DCAF4: variants seen among roughly 807,000 people sequenced by gnomAD.
The protein encoded by DCAF4 is DDB1- and CUL4-associated factor 4.
A neutral mutation model predicts 60.9 loss-of-function variants in DCAF4; 37 were observed. That is an observed-to-expected ratio of 0.61 (90% CI 0.47 to 0.80). The LOEUF (loss-of-function observed/expected upper bound fraction) is 0.80, where lower values mean the gene tolerates loss of function less well. Among genes scored for constraint, DCAF4 ranks in the 30% least tolerant of loss-of-function variants. The pLI is 0.00. For missense variants in DCAF4, 577 were observed against 650.0 expected, an observed-to-expected ratio of 0.89 and a Z score of 1.22; for synonymous variants, 243 against 254.8, an observed-to-expected ratio of 0.95 and a Z score of 0.44.
intron 9 of DCAF4, among the ~76,000 whole-genome samples, chr14:72,953,339 G>C (rs1891691261): frequency 6.6e-6 from 1 of 151,988 alleles, no homozygotes; most frequent in South Asian, 2.1e-4. Flanking sequence ...TGGGTACATG[G>C]CTATATTTAG....
rs746146902 is a variant in DCAF4 at position 72,956,427 on chromosome 14, G to A, written c.1221G>A (p.Gln407=). The stretch of plus-strand genomic sequence containing the variant: ...TGAGGACCACGAAGTGCGTAAGGCA[G>A]TACGAAGGCCACGTGAATGAGTACG... ...WDLRTTKCVR[Q]YEGHVNEYAY... is the part of the protein sequence containing the mutation. The change falls in exon 13 of 14, where the codon CAG becomes CAA. Residue 407 remains glutamine, a synonymous_variant. Transcript: ENST00000358377. The A allele has an allele frequency of 1.2e-6, 2 of 1,613,524 alleles. No individual in the cohort carries two copies. The highest frequency in any genetic ancestry group is 1.1e-5 in the South Asian group (1 of 90,990).
chr14:72,934,384 C>A, intron 1 of DCAF4, among the ~76,000 whole-genome samples: 1 of 152,094 alleles, frequency 6.6e-6, no homozygotes, highest in East Asian at 1.9e-4. Flanking sequence ...AAACTCCCAA[C>A]CTCAGGTGAT....
intron 13 of DCAF4, chr14:72,957,184 C>T (rs2140317173): frequency 6.6e-6 from 1 of 152,522 alleles, no homozygotes; most frequent in East Asian, 1.9e-4. Flanking sequence ...TGCACTCCAG[C>T]CTGGCAACAG....
chr14:72,928,241 T>C (rs1333887134), intron 1 of DCAF4, among the ~76,000 whole-genome samples: 1 of 138,886 alleles, frequency 7.2e-6, no homozygotes, highest in Non-Finnish European at 1.5e-5. Flanking sequence ...TTGCCCAGGC[T>C]GGAGCACAGT....
chr14:72,927,630 C>T (rs1391857533), intron 1 of DCAF4, among the ~76,000 whole-genome samples: 3 of 152,034 alleles, frequency 2.0e-5, no homozygotes, highest in African/African-American at 7.2e-5. Context: ...GGATTACAGG[C>T]GTGAGCCACC....
intron 5 of DCAF4, chr14:72,942,429 C>G (rs1219350312): frequency 6.4e-6 from 1 of 155,266 alleles, no homozygotes; most frequent in Non-Finnish European, 1.4e-5. Flanking sequence ...GAAGAACCTG[C>G]ATTTGAGGCA....
At chr14:72,949,142 A>G (rs1891097184) in intron 8 of DCAF4, among the ~76,000 whole-genome samples, 1 of 152,126 alleles carries the variant, frequency 6.6e-6, no homozygotes, top group Non-Finnish European at 1.5e-5. Flanking sequence ...CACATCACAT[A>G]CTCAGATAGT....
Position 72,958,713 on chromosome 14 carries a change from G to A in DCAF4, c.1396G>A (p.Val466Met), listed in dbSNP as rs778957873. ...YPASKADIPS[V>M]AFSSRLGGSR... ...TGCCTCCAAGGCCGACATTCCCAGT[G>A]TGGCCTTCTCGTCGCGGCTGGGGGG... Residue 466 changes from valine to methionine, a missense_variant, in exon 14 of 14, where the codon GTG becomes ATG. Val to Met is a conservative substitution (Grantham distance 21). Transcript: ENST00000358377. 1 of 1,614,094 alleles carries A rather than the reference G, an allele frequency of 6.2e-7. No homozygotes were observed. Among genetic ancestry groups the A allele is most frequent in the South Asian group, 1.1e-5 (1 of 91,060 alleles).
At chr14:72,961,169 G>A (rs1397441075), downstream of DCAF4, among the ~76,000 whole-genome samples, 2 of 152,062 alleles carry the variant, frequency 1.3e-5, no homozygotes, top group Non-Finnish European at 2.9e-5. Context: ...TTACAGACAC[G>A]AGCCATTTGT....
At chr14:72,937,224 G>GA (rs1000403818) in intron 1 of DCAF4, among the ~76,000 whole-genome samples, 7 of 14,872 alleles carry the variant, frequency 4.7e-4, no homozygotes, top group African/African-American at 7.9e-4. Context: ...ACATATGGGG[G>GA]AACAGATAGA....
chr14:72,940,570 C>T (rs562219151), intron 4 of DCAF4, 193 bp downstream of exon 4: 11 of 481,360 alleles, frequency 2.3e-5, no homozygotes, highest in East Asian at 7.7e-5. Flanking sequence ...CTTCCATCCC[C>T]GTTTTCTTGT....
At chr14:72,952,752 T>A (rs56905972) in intron 9 of DCAF4, among the ~76,000 whole-genome samples, 12,308 of 139,792 alleles carry the variant, frequency 0.088, 625 homozygotes, top group East Asian at 0.2. Context: ...TGGAGTGCAA[T>A]GGCACGATCT....
chr14:72,940,000 A>G (rs1476347969), intron 3 of DCAF4, 98 bp downstream of exon 3: 2 of 1,313,856 alleles, frequency 1.5e-6, no homozygotes, highest in East Asian at 2.5e-5. Context: ...AAATTGAAAC[A>G]CTCAGGGAAG....
chr14:72,935,606 G>C (rs576310923), intron 1 of DCAF4, among the ~76,000 whole-genome samples: 1 of 152,352 alleles, frequency 6.6e-6, no homozygotes, highest in Admixed American at 6.5e-5. Flanking sequence ...GAGGTTGGCA[G>C]GCTCCCTTAC....
intron 1 of DCAF4, among the ~76,000 whole-genome samples, chr14:72,936,081 C>T (rs888601392): frequency 5.3e-5 from 8 of 152,274 alleles, no homozygotes; most frequent in Non-Finnish European, 8.8e-5. Flanking sequence ...AGCTACTGCA[C>T]GCAGCCATTT....
chr14:72,952,717 G>A (rs1454339052), intron 9 of DCAF4, among the ~76,000 whole-genome samples: 2 of 123,994 alleles, frequency 1.6e-5, no homozygotes, highest in South Asian at 2.4e-4. Context: ...TTTTTGAGAC[G>A]GAGTTTTGCT....
At chr14:72,930,603 A>G (rs1370212664) in intron 1 of DCAF4, among the ~76,000 whole-genome samples, 3 of 151,838 alleles carry the variant, frequency 2.0e-5, no homozygotes, top group Non-Finnish European at 2.9e-5. Context: ...GAAGTTTTCA[A>G]TTTTGATGAA....
intron 6 of DCAF4, 76 bp from the exon 7 acceptor site, chr14:72,945,808 A>G (rs1208823877): frequency 1.3e-6 from 2 of 1,583,634 alleles, no homozygotes; most frequent in Non-Finnish European, 1.7e-6. Flanking sequence ...GGGCCAGGAG[A>G]GACGGGCAGG....
At chr14:72,946,802 C>T (rs1432286113) in intron 7 of DCAF4, among the ~76,000 whole-genome samples, 1 of 152,206 alleles carries the variant, frequency 6.6e-6, no homozygotes, top group African/African-American at 2.4e-5. Context: ...TCAGTTGAAG[C>T]ATAAGCTGCA....
Sources: gnomAD v4.1 joint callset for allele counts (sites outside exome capture counted in the v4.1 genomes callset) on GRCh38, gnomAD v4.1.1 for gene constraint, MANE v1.5 for transcripts, NCBI Gene and HGNC (gene_info 2026-07-23, HGNC 2026-07-21) for gene names.